Variants in JPH3 observed in about 807,000 individuals in gnomAD.
The protein encoded by JPH3 is junctophilin-3.
In JPH3, 11 loss-of-function variants were observed where a neutral mutation model predicts 59.6. The observed-to-expected ratio is 0.18, with a 90% CI of 0.12 to 0.31. The LOEUF (loss-of-function observed/expected upper bound fraction) is 0.31, where lower values mean the gene tolerates loss of function less well. Among genes scored for constraint, JPH3 ranks in the 10% least tolerant of loss-of-function variants. The pLI is 1.00. For missense variants in JPH3, 1,202 were observed against 1,105.7 expected, an observed-to-expected ratio of 1.09 and a Z score of -1.24; for synonymous variants, 673 against 483.6, an observed-to-expected ratio of 1.39 and a Z score of -5.14.
At chr16:87,662,144 C>T (rs1350835917) in intron 2 of JPH3, among the ~76,000 whole-genome samples, 2 of 152,246 alleles carry the variant, frequency 1.3e-5, no homozygotes, top group Non-Finnish European at 2.9e-5. Flanking sequence ...CCTCCCCTGC[C>T]TGCCCTGGGC....
chr16:87,610,510 A>G (rs1280866238), intron 1 of JPH3, among the ~76,000 whole-genome samples: 1 of 152,136 alleles, frequency 6.6e-6, no homozygotes, highest in Non-Finnish European at 1.5e-5. Flanking sequence ...TGTGGAATGA[A>G]TGACCTGTGC....
chr16:87,646,888 T>C (rs2032171309), intron 2 of JPH3, among the ~76,000 whole-genome samples: 1 of 152,166 alleles, frequency 6.6e-6, no homozygotes, highest in Non-Finnish European at 1.5e-5. Flanking sequence ...TGGATGTCTG[T>C]AGGACTGGGG....
At chr16:87,670,493 C>G (rs967309043) in intron 2 of JPH3, among the ~76,000 whole-genome samples, 1 of 152,236 alleles carries the variant, frequency 6.6e-6, no homozygotes, top group Non-Finnish European at 1.5e-5. Context: ...GGGACAGGAC[C>G]TGTCCCTGTG....
chr16:87,675,397 C>A (rs574738262), intron 2 of JPH3, among the ~76,000 whole-genome samples: 2 of 152,216 alleles, frequency 1.3e-5, no homozygotes, highest in African/African-American at 4.8e-5. Flanking sequence ...GTCCAGCCTT[C>A]CTCTTGCTCC....
chr16:87,604,174 C>A (rs1028991282), intron 1 of JPH3: 3 of 1,387,714 alleles, frequency 2.2e-6, no homozygotes, highest in Admixed American at 4.4e-5. Flanking sequence ...CCAGGAATCT[C>A]GTCTTTCAGT....
intron 2 of JPH3, among the ~76,000 whole-genome samples, chr16:87,677,212 ACACACACACAC>A (rs1405658478): frequency 4.2e-5 from 5 of 119,858 alleles, no homozygotes; most frequent in Admixed American, 8.9e-5. Flanking sequence ...ACACACACAC[ACACACACACAC>A]ACAAAAAAAA....
intron 2 of JPH3, among the ~76,000 whole-genome samples, chr16:87,672,480 C>A (rs564050833): frequency 1.3e-5 from 2 of 152,354 alleles, no homozygotes; most frequent in Admixed American, 6.5e-5. Context: ...TGCGGAGCCT[C>A]CTCAGCACAG....
chr16:87,644,334 C>T lies in JPH3; in HGVS notation c.459C>T (p.Ala153=), dbSNP rs199746547. 198 of 1,612,822 alleles carry T rather than the reference C, an allele frequency of 1.2e-4. No individual in the cohort carries two copies. The highest frequency in any genetic ancestry group is 2.1e-4 in the African/African-American group (16 of 74,938). The change falls in exon 2 of 5, where the codon GCC becomes GCT. Residue 153 remains alanine (A), a synonymous_variant. Coordinates refer to ENST00000284262, the MANE Select transcript of JPH3 (RefSeq NM_020655.4). ...GGCAGAGCGTCCCGTATGGCATGGCCGCGGTCATCCGCTCACCCCTGAGGA... is the reference window on the plus strand; with the variant it reads ...GGCAGAGCGTCCCGTATGGCATGGCTGCGGTCATCCGCTCACCCCTGAGGA... ...GVRQSVPYGM[A]AVIRSPLRTS...
intron 2 of JPH3, among the ~76,000 whole-genome samples, chr16:87,665,123 G>T (rs912278757): frequency 2.0e-5 from 3 of 152,136 alleles, no homozygotes; most frequent in Non-Finnish European, 4.4e-5. Flanking sequence ...GAGGTCATGA[G>T]CACCACAGTC....
intron 2 of JPH3, among the ~76,000 whole-genome samples, chr16:87,682,353 G>C (rs1417594992): frequency 1.3e-5 from 2 of 152,328 alleles, no homozygotes; most frequent in Admixed American, 1.3e-4. Flanking sequence ...CAGAGATGGG[G>C]GGTCAGGCTG....
intron 2 of JPH3, among the ~76,000 whole-genome samples, chr16:87,648,594 G>A (rs913216881): frequency 2.6e-5 from 4 of 152,126 alleles, no homozygotes; most frequent in African/African-American, 4.8e-5. Context: ...CCTGGAAAAC[G>A]GGGCGGGAGG....
chr16:87,655,499 G>A (rs556394738), intron 2 of JPH3, among the ~76,000 whole-genome samples: 104 of 152,180 alleles, frequency 6.8e-4, no homozygotes, highest in Middle Eastern at 3.4e-3. Context: ...GACCGCAGCC[G>A]TGCACCACCA....
At chr16:87,668,303 G>A (rs1298527010) in intron 2 of JPH3, among the ~76,000 whole-genome samples, 2 of 152,136 alleles carry the variant, frequency 1.3e-5, no homozygotes, top group African/African-American at 2.4e-5. Flanking sequence ...GTCCATGTTT[G>A]GGGGTTACAT....
At chr16:87,654,382 C>T (rs2032423552) in intron 2 of JPH3, 1 of 152,160 alleles carries the variant, frequency 6.6e-6, no homozygotes, top group Non-Finnish European at 1.5e-5. Context: ...ATGGTGAGTT[C>T]CCTGAAGCTA....
At chr16:87,682,062 GC>G (rs2033309675) in intron 2 of JPH3, among the ~76,000 whole-genome samples, 1 of 152,070 alleles carries the variant, frequency 6.6e-6, no homozygotes, top group Non-Finnish European at 1.5e-5. Flanking sequence ...TGGAATCGGA[GC>G]CCCCACAAGA....
chr16:87,604,759 C>T, intron 1 of JPH3: 8 of 809,890 alleles, frequency 9.9e-6, no homozygotes, highest in East Asian at 6.9e-5. Flanking sequence ...GCTTATGCAA[C>T]TGAAAAGCAG....
At chr16:87,677,412 A>G (rs2033179846) in intron 2 of JPH3, among the ~76,000 whole-genome samples, 1 of 152,238 alleles carries the variant, frequency 6.6e-6, no homozygotes, top group East Asian at 1.9e-4. Context: ...TGATATCTCA[A>G]TAAAGCTGCT....
At chr16:87,665,806 A>G (rs2032842625) in intron 2 of JPH3, among the ~76,000 whole-genome samples, 1 of 152,166 alleles carries the variant, frequency 6.6e-6, no homozygotes, top group African/African-American at 2.4e-5. Context: ...GATGAGGCCG[A>G]TGGGGCAAAG....
At chr16:87,606,845 A>G (rs1391891897) in intron 1 of JPH3, among the ~76,000 whole-genome samples, 2 of 152,182 alleles carry the variant, frequency 1.3e-5, no homozygotes, top group Admixed American at 1.3e-4. Context: ...AACATTAGAT[A>G]CTTACTGTCT....
Sources: allele counts gnomAD v4.1 joint callset (sites outside exome capture counted in the v4.1 genomes callset), GRCh38; gene constraint gnomAD v4.1.1; transcripts MANE v1.5; gene names NCBI Gene and HGNC (gene_info 2026-07-23, HGNC 2026-07-21).